ST18: variants seen among roughly 807,000 people sequenced by gnomAD.
ST18 encodes ST18 C2H2C-type zinc finger transcription factor.
A neutral mutation model predicts 110.0 loss-of-function variants in ST18; 50 were observed. The ratio of observed to expected loss-of-function variants is 0.45; its 90% CI spans 0.36 to 0.58. ST18 has a LOEUF of 0.58. Ranked by LOEUF, ST18 falls within the 20% of genes least tolerant of loss-of-function variation. ST18 has a pLI of 0.00. For synonymous variants in ST18, 461 were observed against 452.4 expected (o/e 1.02, Z -0.24); for missense variants, 1,306 against 1,280.1 (o/e 1.02, Z -0.31).
intron 2 of ST18, among the ~76,000 whole-genome samples, chr8:52,344,493 C>T (rs1050102234): frequency 1.3e-5 from 2 of 152,020 alleles, no homozygotes; most frequent in African/African-American, 2.4e-5. Flanking sequence ...CTCCACCTCC[C>T]GGGTTCAAGC....
rs962690657 is a variant in ST18, at chr8:52,217,736, A to T, written c.-1+10T>A. On this transcript the variant is annotated intron_variant, in intron 6 of 25. Transcript: ENST00000689386. ...AAGCTCTCATTTAATATCTTTATGT[A>T]CTTACAAACCTATAAACAGATGTAT... 6.6e-6 allele frequency: 1 copy of T among 152,206 alleles called. No homozygotes were observed. Among genetic ancestry groups the T allele is most frequent in the African/African-American group, 2.4e-5 (1 of 41,456 alleles). The allele number at this position is 152,206 out of a possible 1,614,324, so 9.4% of individuals were successfully genotyped here. A position where few individuals can be genotyped will look rare whatever the true frequency, so the allele number is the denominator to read the frequency against.
chr8:52,132,635 A>C (rs1324022478), intron 21 of ST18, among the ~76,000 whole-genome samples: 5 of 152,252 alleles, frequency 3.3e-5, no homozygotes, highest in Middle Eastern at 3.2e-3. Flanking sequence ...TATTGCATTT[A>C]GAACTGTTGT....
chr8:52,326,268 G>C (rs956816785), intron 2 of ST18, among the ~76,000 whole-genome samples: 2 of 152,126 alleles, frequency 1.3e-5, no homozygotes, highest in Non-Finnish European at 2.9e-5. Flanking sequence ...CTGCAGCAGT[G>C]GGGAAGGGGA....
chr8:52,381,975 A>AAC (rs1564623460), intron 2 of ST18, among the ~76,000 whole-genome samples: 1 of 15,548 alleles, frequency 6.4e-5, no homozygotes, highest in African/African-American at 7.0e-5. Flanking sequence ...ATTAAAAAAC[A>AAC]AAAAAAAACA....
chr8:52,384,215 T>C (rs1024535794), intron 2 of ST18, among the ~76,000 whole-genome samples: 1 of 152,174 alleles, frequency 6.6e-6, no homozygotes, highest in Non-Finnish European at 1.5e-5. Context: ...TGTCCCATCA[T>C]GGTAACTTTT....
chr8:52,370,567 C>T (rs1406341741), intron 2 of ST18, among the ~76,000 whole-genome samples: 1 of 152,158 alleles, frequency 6.6e-6, no homozygotes, highest in African/African-American at 2.4e-5. Context: ...GCATTCTGGA[C>T]ATTCCTTAGA....
intron 22 of ST18, 89 bp downstream of exon 22, chr8:52,131,869 T>A: frequency 9.0e-6 from 11 of 1,216,978 alleles, no homozygotes; most frequent in South Asian, 1.4e-5. Flanking sequence ...GAACAACCTT[T>A]AGGGGGTTGT....
At chr8:52,324,664 C>T (rs571728772) in intron 2 of ST18, among the ~76,000 whole-genome samples, 4 of 152,292 alleles carry the variant, frequency 2.6e-5, no homozygotes, top group Non-Finnish European at 4.4e-5. Context: ...ATTTCAATTA[C>T]TCTTTGCAGC....
intron 2 of ST18, among the ~76,000 whole-genome samples, chr8:52,267,483 T>TAAAAAAAAAA (rs57769643): frequency 1.7e-5 from 2 of 115,034 alleles, no homozygotes; most frequent in Non-Finnish European, 1.7e-5. Flanking sequence ...AGAGATAAGC[T>TAAAAAAAAAA]AAAAAAAAAA....
intron 23 of ST18, 67 bp downstream of exon 23, chr8:52,125,985 G>A (rs1251609430): frequency 2.6e-5 from 32 of 1,252,390 alleles, no homozygotes; most frequent in Middle Eastern, 3.9e-4. Context: ...TTTGACACAC[G>A]GAACGCTTTG....
At chr8:52,188,334 T>A (rs774933134) in intron 8 of ST18, among the ~76,000 whole-genome samples, 11 of 151,994 alleles carry the variant, frequency 7.2e-5, no homozygotes, top group Non-Finnish European at 1.0e-4. Flanking sequence ...GGAGGTTAGA[T>A]AAGGGAGAAA....
Position 52,171,799 on chromosome 8 carries a change from G to A in ST18, c.1062C>T (p.Asn354=), listed in dbSNP as rs141857290. Residue 354 remains asparagine, a synonymous_variant, in exon 10 of 26, where the codon AAC becomes AAT. Transcript: ENST00000689386. ...VIDMGGRQIF[N]NKHSPRPEKR... ...TGCAAAAATGTGTCTTACGTTTATT[G>A]TTAAAGATTTGTCTTCCACCCATGT... 45 of 1,611,288 alleles carry A rather than the reference G, an allele frequency of 2.8e-5. No individual in the cohort carries two copies. The East Asian group carries it at 1.0e-3, about 36-fold the overall frequency.
intron 2 of ST18, among the ~76,000 whole-genome samples, chr8:52,386,149 G>A (rs1564631523): frequency 1.3e-5 from 2 of 152,026 alleles, no homozygotes; most frequent in Admixed American, 6.6e-5. Flanking sequence ...GAAGGGATTG[G>A]TTACATAAAA....
chr8:52,295,827 C>T (rs897499518), intron 2 of ST18, among the ~76,000 whole-genome samples: 4 of 151,614 alleles, frequency 2.6e-5, no homozygotes, highest in African/African-American at 7.3e-5. Context: ...TGCCTCTTCC[C>T]TGCACGCTCA....
intron 2 of ST18, among the ~76,000 whole-genome samples, chr8:52,273,972 C>T (rs1428972965): frequency 6.6e-6 from 1 of 152,200 alleles, no homozygotes; most frequent in Non-Finnish European, 1.5e-5. Flanking sequence ...TTCAGCAGTT[C>T]TGTAACCCAT....
chr8:52,187,088 T>C (rs531244653), intron 8 of ST18, among the ~76,000 whole-genome samples: 1 of 152,212 alleles, frequency 6.6e-6, no homozygotes. Context: ...CCTGGTATAA[T>C]GTTCAGCCAA....
At chr8:52,248,424 AAACC>A (rs1364129745) in intron 2 of ST18, 1 of 152,200 alleles carries the variant, frequency 6.6e-6, no homozygotes. Context: ...AGAGTTTATT[AAACC>A]ACTGACAACC....
At chr8:52,186,995 A>G (rs1330400359) in intron 8 of ST18, among the ~76,000 whole-genome samples, 3 of 152,148 alleles carry the variant, frequency 2.0e-5, no homozygotes, top group African/African-American at 7.2e-5. Flanking sequence ...CTATACATAC[A>G]TAAGTTGTGA....
intron 2 of ST18, among the ~76,000 whole-genome samples, chr8:52,263,032 GC>G (rs1444892567): frequency 1.3e-5 from 2 of 152,174 alleles, no homozygotes; most frequent in African/African-American, 4.8e-5. Context: ...CTGAAGTTGT[GC>G]CTCAGTGCTT....
Sources: gnomAD v4.1 joint callset for allele counts (sites outside exome capture counted in the v4.1 genomes callset) on GRCh38, gnomAD v4.1.1 for gene constraint, MANE v1.5 for transcripts, NCBI Gene and HGNC (gene_info 2026-07-23, HGNC 2026-07-21) for gene names.